Variants in COX16 observed in about 807,000 individuals in gnomAD.
COX16 encodes cytochrome c oxidase assembly protein COX16 homolog, mitochondrial.
COX16 carries 12 observed loss-of-function variants against 15.4 expected under a neutral mutation model. That is an observed-to-expected ratio of 0.78 (90% CI 0.50 to 1.26). The LOEUF (loss-of-function observed/expected upper bound fraction) is 1.26, where lower values mean the gene tolerates loss of function less well. Ranked by LOEUF, COX16 falls within the 50% of genes most tolerant of loss-of-function variation. COX16 has a pLI of 0.00. For synonymous variants in COX16, 46 were observed against 41.1 expected, an observed-to-expected ratio of 1.12 and a Z score of -0.46; for missense variants, 124 against 127.6, an observed-to-expected ratio of 0.97 and a Z score of 0.14.
At chr14:70,338,035 A>T (rs1443063591) in intron 2 of COX16, among the ~76,000 whole-genome samples, 1 of 152,258 alleles carries the variant, frequency 6.6e-6, no homozygotes, top group Non-Finnish European at 1.5e-5. Flanking sequence ...AACTGACAAG[A>T]TAATGAACAA....
intron 1 of COX16, among the ~76,000 whole-genome samples, chr14:70,358,452 TG>T (rs1162489108): frequency 3.3e-5 from 5 of 150,602 alleles, no homozygotes; most frequent in Non-Finnish European, 5.9e-5. Context: ...CCTCCTGTCT[TG>T]GCTTCCCCTA....
chr14:70,328,525 T>G (rs1455458129), intron 3 of COX16, among the ~76,000 whole-genome samples: 2 of 152,174 alleles, frequency 1.3e-5, no homozygotes, highest in Non-Finnish European at 2.9e-5. Flanking sequence ...AACTCCTTGA[T>G]TTTTGCTAAT....
intron 3 of COX16, 133 bp downstream of exon 3, chr14:70,329,041 T>C (rs1465119176): frequency 1.7e-6 from 1 of 586,788 alleles, no homozygotes; most frequent in Non-Finnish European, 2.3e-6. Flanking sequence ...TTTTATTTGC[T>C]TTTCAAATGA....
intron 1 of COX16, among the ~76,000 whole-genome samples, chr14:70,357,158 C>CCAAAAAAAAAAA (rs1230639115): frequency 1.3e-5 from 1 of 78,700 alleles, no homozygotes. Flanking sequence ...AAGCGTTTGT[C>CCAAAAAAAAAAA]AAAAAAAAAA....
chr14:70,346,031 C>T (rs148217806), intron 1 of COX16, among the ~76,000 whole-genome samples: 2 of 152,208 alleles, frequency 1.3e-5, no homozygotes, highest in African/African-American at 4.8e-5. Flanking sequence ...ATTCTCCTCC[C>T]CCACTGCCCT....
intron 1 of COX16, among the ~76,000 whole-genome samples, chr14:70,358,384 T>TA: frequency 6.8e-6 from 1 of 147,350 alleles, no homozygotes; most frequent in African/African-American, 2.5e-5. Context: ...TTTTTTTTTT[T>TA]TTTTTTTTTT....
chr14:70,352,757 T>C (rs1887001145), intron 1 of COX16, among the ~76,000 whole-genome samples: 2 of 149,774 alleles, frequency 1.3e-5, no homozygotes, highest in South Asian at 4.3e-4. Context: ...GAGATCCTCC[T>C]GCCTCAGCCT....
chr14:70,353,744 A>G (rs1049558386), intron 1 of COX16, among the ~76,000 whole-genome samples: 1 of 152,026 alleles, frequency 6.6e-6, no homozygotes, highest in Non-Finnish European at 1.5e-5. Flanking sequence ...CAAACTCCTG[A>G]CCTTGTGATC....
At chr14:70,329,068 A>C in intron 3 of COX16, 106 bp downstream of exon 3, 1 of 969,572 alleles carries the variant, frequency 1.0e-6, no homozygotes, top group Non-Finnish European at 1.5e-6. Flanking sequence ...TTTATCAAAT[A>C]CCATATATAT....
intron 1 of COX16, among the ~76,000 whole-genome samples, chr14:70,355,959 G>A (rs1000261281): frequency 6.6e-6 from 1 of 152,134 alleles, no homozygotes; most frequent in African/African-American, 2.4e-5. Context: ...CTCTTGGCAT[G>A]TGATCTCTGC....
In COX16 at chr14:70,331,310, G is replaced by A. The variant is rs371608118; in HGVS notation, c.142-2074C>T. The stretch of plus-strand genomic sequence containing the variant: ...TGTGAGCCACGGCACCCAACCAAGT[G>A]TATTAAACTTAAGAAAATTTGTTTA... On this transcript the variant is annotated intron_variant, in intron 2 of 3. Transcript: ENST00000389912. Among the ~76,000 whole-genome samples the A allele has an allele frequency of 1.8e-4, 27 of 152,066 alleles. No homozygotes were observed. In the East Asian group the frequency reaches 4.4e-3, roughly 25 times the overall value.
chr14:70,336,089 T>C (rs1886445215), intron 2 of COX16, among the ~76,000 whole-genome samples: 1 of 152,066 alleles, frequency 6.6e-6, no homozygotes, highest in East Asian at 1.9e-4. Flanking sequence ...ACCCTGTCTC[T>C]ACTAAAAATA....
chr14:70,336,987 T>C (rs1481233926), intron 2 of COX16, among the ~76,000 whole-genome samples: 1 of 152,140 alleles, frequency 6.6e-6, no homozygotes, highest in Non-Finnish European at 1.5e-5. Context: ...CAAAAGAGCT[T>C]AGAGTTGAAA....
chr14:70,329,598 C>T (rs376428007), intron 2 of COX16, among the ~76,000 whole-genome samples: 1 of 151,702 alleles, frequency 6.6e-6, no homozygotes, highest in East Asian at 1.9e-4. Context: ...TCTCTGCCTC[C>T]AGAGTTCACA....
intron 2 of COX16, among the ~76,000 whole-genome samples, chr14:70,338,562 C>G (rs1886528809): frequency 6.6e-6 from 1 of 152,178 alleles, no homozygotes; most frequent in African/African-American, 2.4e-5. Flanking sequence ...AGGAGGTCAA[C>G]AAACCTGGTA....
rs1230639115 is a variant in COX16, at chr14:70,357,158, C to CCAAAAAA, written c.69+2360_69+2361insTTTTTTG. 8.9e-5 allele frequency among the ~76,000 whole-genome samples: 7 copies of CCAAAAAA among 78,704 alleles called. 2 individuals carry two copies. Among genetic ancestry groups the CCAAAAAA allele is most frequent in the African/African-American group, 2.9e-4 (6 of 20,710 alleles). 51.6% of individuals were successfully genotyped at this position (78,704 alleles called of 152,430 possible). On this transcript the variant is annotated intron_variant, in intron 1 of 3. Transcript: ENST00000389912. ...CAGACTTCTCCTAGGAAGCGTTTGT[C>CCAAAAAA]AAAAAAAAAAAAAAAAAAAAAAAAA...
At chr14:70,339,985 C>T (rs1276954084) in intron 2 of COX16, among the ~76,000 whole-genome samples, 8 of 152,154 alleles carry the variant, frequency 5.3e-5, no homozygotes, top group Non-Finnish European at 1.2e-4. Flanking sequence ...AATCTTGTTC[C>T]GTTTACTTTG....
At chr14:70,328,965 T>C (rs1222172470) in intron 3 of COX16, among the ~76,000 whole-genome samples, 1 of 152,132 alleles carries the variant, frequency 6.6e-6, no homozygotes, top group African/African-American at 2.4e-5. Context: ...ATTTTGTTTT[T>C]TACTTTCAAA....
chr14:70,337,187 C>G (rs1359458296), intron 2 of COX16, among the ~76,000 whole-genome samples: 6 of 152,108 alleles, frequency 3.9e-5, no homozygotes, highest in Non-Finnish European at 7.4e-5. Flanking sequence ...TAGAAGTATA[C>G]CACTAGGTTG....
Sources: allele counts gnomAD v4.1 joint callset (sites outside exome capture counted in the v4.1 genomes callset), GRCh38; gene constraint gnomAD v4.1.1; transcripts MANE v1.5; gene names NCBI Gene and HGNC (gene_info 2026-07-23, HGNC 2026-07-21).